RIMS2: variants seen among roughly 807,000 people sequenced by gnomAD.
RIMS2 encodes regulating synaptic membrane exocytosis 2.
In RIMS2, 59 loss-of-function variants were observed where a neutral mutation model predicts 174.4. The ratio of observed to expected loss-of-function variants is 0.34; its 90% CI spans 0.27 to 0.42. The LOEUF (loss-of-function observed/expected upper bound fraction) is 0.42, where lower values mean the gene tolerates loss of function less well. Ranked by LOEUF, RIMS2 falls within the 10% of genes least tolerant of loss-of-function variation. RIMS2 has a pLI of 1.00. For synonymous variants in RIMS2, 606 were observed against 572.5 expected (o/e 1.06, Z -0.84); for missense variants, 1,620 against 1,666.3 (o/e 0.97, Z 0.48).
At position 103,869,870 on chromosome 8, in the gene RIMS2, T is replaced by A. The variant is rs370963096; in HGVS notation, c.699-15428T>A. ...TGGGATAAACAGAACAGTGGTAGAG[T>A]TGTTACTGGAGAAGAAGTAATAGTC... On this transcript the variant is annotated intron_variant, in intron 3 of 23. Coordinates refer to ENST00000504942, the Ensembl canonical transcript of RIMS2. Among the ~76,000 whole-genome samples the A allele has an allele frequency of 2.6e-5, 4 of 152,128 alleles. 1 individual carries two copies. The South Asian group carries it at 8.3e-4, about 32-fold the overall frequency.
At chr8:103,516,293 A>ATTCCC (rs1828922294) in intron 1 of RIMS2, among the ~76,000 whole-genome samples, 1 of 152,142 alleles carries the variant, frequency 6.6e-6, no homozygotes, top group Non-Finnish European at 1.5e-5. Flanking sequence ...TACAGGAACC[A>ATTCCC]AAATTTGAGA....
At position 103,858,454 on chromosome 8, in the gene RIMS2, GA is replaced by G. The variant is rs1402419604; in HGVS notation, c.699-26839del. Among the ~76,000 whole-genome samples, 5 of 151,856 alleles carry G rather than the reference GA, an allele frequency of 3.3e-5. No homozygotes were observed. In the East Asian group the frequency reaches 9.6e-4, roughly 29 times the overall value. On this transcript the variant is annotated intron_variant, in intron 3 of 23. Transcript: ENST00000504942. The stretch of plus-strand genomic sequence containing the variant: ...GGCATTGGATTATCATATAAAATCA[GA>G]AAAATTAAGTTAAGGAGGACCTTAG...
chr8:104,248,583 A>G, intron 20 of RIMS2, 118 bp from the exon 27 acceptor site: 1 of 658,606 alleles, frequency 1.5e-6, no homozygotes, highest in Non-Finnish European at 2.8e-6. Context: ...TCCAGTAAAT[A>G]TAAGTGACAA....
exon 2 of RIMS2, chr8:103,697,123 G>C (rs2097113343): frequency 6.2e-7 from 1 of 1,613,532 alleles, no homozygotes; most frequent in Admixed American, 1.7e-5. Context: ...TAAAGAGCAG[G>C]TAAAGAAGAT....
intron 1 of RIMS2, among the ~76,000 whole-genome samples, chr8:103,565,622 T>G (rs1272240759): frequency 6.6e-6 from 1 of 152,200 alleles, no homozygotes; most frequent in African/African-American, 2.4e-5. Context: ...CTGTGGAATT[T>G]TATATAATTG....
At chr8:104,205,044 T>C (rs2099073478) in intron 19 of RIMS2, among the ~76,000 whole-genome samples, 1 of 152,198 alleles carries the variant, frequency 6.6e-6, no homozygotes, top group Non-Finnish European at 1.5e-5. Context: ...GGCATCATCC[T>C]TGGTGACATA....
chr8:104,141,142 A>G (rs146126383), intron 19 of RIMS2, among the ~76,000 whole-genome samples: 1 of 152,300 alleles, frequency 6.6e-6, no homozygotes, highest in African/African-American at 2.4e-5. Flanking sequence ...GATACTGAAA[A>G]ATTATCATTT....
intron 19 of RIMS2, among the ~76,000 whole-genome samples, chr8:104,057,389 A>T (rs1165406906): frequency 6.6e-6 from 1 of 152,046 alleles, no homozygotes; most frequent in Non-Finnish European, 1.5e-5. Context: ...TTTAATATCG[A>T]AACCTAAAAT....
chr8:103,676,592 T>TA (rs2096817185), intron 1 of RIMS2, among the ~76,000 whole-genome samples: 1 of 150,638 alleles, frequency 6.6e-6, no homozygotes, highest in Admixed American at 6.6e-5. Context: ...TTTTTTTTTT[T>TA]AATAAAGAGG....
chr8:103,704,117 G>T (rs2097197583), intron 2 of RIMS2, among the ~76,000 whole-genome samples: 1 of 149,838 alleles, frequency 6.7e-6, no homozygotes. Context: ...GCTAGCTGTA[G>T]GTTTGTCAAA....
intron 2 of RIMS2, among the ~76,000 whole-genome samples, chr8:103,741,945 T>C (rs2030438): frequency 0.39 from 59,612 of 151,862 alleles, 12,394 homozygotes; most frequent in East Asian, 0.77. Flanking sequence ...GAGAATGTGA[T>C]TACATACTGT....
chr8:103,504,790 A>G (rs1048197815), intron 1 of RIMS2, among the ~76,000 whole-genome samples: 3 of 149,822 alleles, frequency 2.0e-5, no homozygotes, highest in East Asian at 2.0e-4. Context: ...TCTAAAGTTA[A>G]TTTATAAAAT....
In RIMS2 at chr8:103,710,403, T is replaced by C. The variant is rs142934434; in HGVS notation, c.387+13107T>C. ...GAAAATAAATGAAGGGCAGGACATA[T>C]GGAAGTACCAACACAACAAAATTTT... On this transcript the variant is annotated intron_variant, in intron 2 of 23. Transcript: ENST00000504942. Among the ~76,000 whole-genome samples, 379 of 152,256 alleles carry C rather than the reference T, an allele frequency of 2.5e-3. 3 individuals carry two copies. The highest frequency in any genetic ancestry group is 0.014 in the Admixed American group (216 of 15,282).
At chr8:103,582,855 G>T (rs986551067) in intron 1 of RIMS2, among the ~76,000 whole-genome samples, 1 of 152,190 alleles carries the variant, frequency 6.6e-6, no homozygotes, top group Non-Finnish European at 1.5e-5. Flanking sequence ...CTGGGGCCTG[G>T]GGGACCTCCC....
intron 1 of RIMS2, among the ~76,000 whole-genome samples, chr8:103,536,766 C>T (rs927269279): frequency 2.0e-5 from 3 of 152,184 alleles, no homozygotes; most frequent in Admixed American, 1.3e-4. Context: ...CCCTATGATC[C>T]AATCACCTCC....
At chr8:103,688,252 G>T (rs2096966500) in intron 1 of RIMS2, among the ~76,000 whole-genome samples, 1 of 151,966 alleles carries the variant, frequency 6.6e-6, no homozygotes, top group Non-Finnish European at 1.5e-5. Flanking sequence ...CACCTGTATT[G>T]TGTTGACATA....
At chr8:104,028,650 T>C (rs1208928187) in intron 19 of RIMS2, among the ~76,000 whole-genome samples, 1 of 152,186 alleles carries the variant, frequency 6.6e-6, no homozygotes, top group East Asian at 1.9e-4. Context: ...GGTACTCTTC[T>C]ATAAAATCCC....
chr8:103,554,098 T>A (rs1453515113), intron 1 of RIMS2, among the ~76,000 whole-genome samples: 1 of 152,100 alleles, frequency 6.6e-6, no homozygotes, highest in Non-Finnish European at 1.5e-5. Flanking sequence ...CTAAATATCC[T>A]GAAGATAACC....
chr8:104,230,487 AAC>A (rs1183998488), intron 19 of RIMS2, among the ~76,000 whole-genome samples: 2 of 151,470 alleles, frequency 1.3e-5, no homozygotes, highest in Non-Finnish European at 2.9e-5. Context: ...CTCTACTAAA[AAC>A]ACAAAAAGTA....
Sources: gnomAD v4.1 joint callset for allele counts (sites outside exome capture counted in the v4.1 genomes callset) on GRCh38, gnomAD v4.1.1 for gene constraint, MANE v1.5 for transcripts, NCBI Gene and HGNC (gene_info 2026-07-23, HGNC 2026-07-21) for gene names.